The following CGN variants were observed in gnomAD, a reference collection of about 807,000 sequenced individuals.
CGN encodes cingulin.
A neutral mutation model predicts 157.1 loss-of-function variants in CGN; 121 were observed. The ratio of observed to expected loss-of-function variants is 0.77; its 90% CI spans 0.66 to 0.90. The LOEUF (loss-of-function observed/expected upper bound fraction) is 0.90. CGN is among the 40% of genes least tolerant of loss of function. The pLI is 0.00. For synonymous variants in CGN, 535 were observed against 607.5 expected (o/e 0.88, Z 1.76); for missense variants, 1,424 against 1,520.9 (o/e 0.94, Z 1.06).
At chr1:151,513,196 G>A (rs1313188740) in intron 1 of CGN, among the ~76,000 whole-genome samples, 5 of 152,180 alleles carry the variant, frequency 3.3e-5, no homozygotes, top group African/African-American at 9.7e-5. Context: ...TGCCTCCTCC[G>A]TGGTGTGGAA....
intron 5 of CGN, among the ~76,000 whole-genome samples, chr1:151,521,067 T>G (rs929853391): frequency 6.6e-6 from 1 of 152,224 alleles, no homozygotes; most frequent in Non-Finnish European, 1.5e-5. Flanking sequence ...TTTGGTAGTA[T>G]GTACTGTCCT....
chr1:151,536,023 G>T, intron 18 of CGN, 125 bp downstream of exon 18: 1 of 780,558 alleles, frequency 1.3e-6, no homozygotes, highest in Non-Finnish European at 2.2e-6. Flanking sequence ...TGATCTTTAG[G>T]GAACACTTTC....
chr1:151,528,635 TTGAACTCCTGACCTCAGGTGA>T (rs1376791077), intron 10 of CGN, among the ~76,000 whole-genome samples: 3 of 152,120 alleles, frequency 2.0e-5, no homozygotes, highest in African/African-American at 7.2e-5. Context: ...CAGGCTGGTT[TTGAACTCCTGACCTCAGGTGA>T]TCCACCCGCC....
Position 151,518,830 on chromosome 1 carries a change from C to T in CGN, c.311C>T (p.Pro104Leu). 1 of 1,613,966 alleles carries T rather than the reference C, an allele frequency of 6.2e-7. No homozygotes were observed. The highest frequency in any genetic ancestry group is 8.5e-7 in the Non-Finnish European group (1 of 1,179,920). Residue 104 changes from proline (P) to leucine (L), a missense_variant, in exon 2 of 21, where the codon CCC becomes CTC. By Grantham distance (98) the Pro-to-Leu change is moderately conservative. Transcript: ENST00000271636. ...LSSDLELPEN[P>L]YSQVKGFPAP... ...TCAGATTTGGAACTCCCTGAGAACCCCTACTCTCAGGTCAAGGGATTTCCT... is the reference window on the plus strand; with the variant it reads ...TCAGATTTGGAACTCCCTGAGAACCTCTACTCTCAGGTCAAGGGATTTCCT...
upstream of CGN, chr1:151,511,105 T>C (rs1019296929): frequency 3.3e-5 from 5 of 152,234 alleles, no homozygotes; most frequent in African/African-American, 1.2e-4. This position sits in a 1 kb window ranked among gnomAD's most constrained non-coding sequence, Gnocchi z 4.8. Flanking sequence ...GGCCGACGGC[T>C]CCCGGGATCT....
Position 151,530,571 on chromosome 1 carries a change from A to G in CGN, c.2396A>G (p.Glu799Gly), listed in dbSNP as rs1409450209. The G allele has an allele frequency of 6.2e-7, 1 of 1,609,868 alleles. No individual in the cohort carries two copies. Among genetic ancestry groups the G allele is most frequent in the Non-Finnish European group, 8.5e-7 (1 of 1,178,286 alleles). ...CTGGCAGCAGCCAAGCGGGCACTGG[A>G]GGCACGCCTAGAGGAGGCTCAGCGG... ...GSLAAAKRAL[E>G]ARLEEAQRGL... Residue 799 changes from glutamate to glycine, a missense_variant, in exon 13 of 21, where the codon GAG (glutamate) becomes GGG (glycine). Physicochemically the swap from Glu to Gly is moderately conservative, Grantham distance 98. Around this residue, in one of 3 missense-constraint regions of CGN, gnomAD observed 1,187 missense variants for 1,217.6 expected, o/e 0.97. Transcript: ENST00000271636.
At chr1:151,527,948 ATATTT>A (rs1664727300) in intron 10 of CGN, 20 of 121,042 alleles carry the variant, frequency 1.7e-4, no homozygotes, top group South Asian at 2.8e-4. Context: ...ATATATATAT[ATATTT>A]TTTTTTTTTT....
At chr1:151,531,454 G>A (rs1664836320) in intron 13 of CGN, among the ~76,000 whole-genome samples, 2 of 152,126 alleles carry the variant, frequency 1.3e-5, no homozygotes, top group African/African-American at 4.8e-5. Context: ...TTATAGATGG[G>A]GAATTGAGAC....
chr1:151,527,443 T>A (rs1241541995), intron 10 of CGN, among the ~76,000 whole-genome samples: 1 of 152,226 alleles, frequency 6.6e-6, no homozygotes, highest in Non-Finnish European at 1.5e-5. Context: ...TTGGTCAGCA[T>A]GGCAAAAGCT....
chr1:151,530,609 C>G lies in CGN; in HGVS notation c.2434C>G (p.Leu812Val). ...GGAGGCTCAGCGGGGGCTGGCCCGC[C>G]TGGGGCAGGAGCAGCAGACACTGAA... ...LEEAQRGLAR[L>V]GQEQQTLNRA... Residue 812 changes from leucine to valine, a missense_variant, in exon 13 of 21, where the codon CTG (leucine) becomes GTG (valine). Leu to Val is a conservative substitution (Grantham distance 32). This residue lies in a region of CGN where 1,187 missense variants were observed against 1,217.6 expected (regional missense o/e 0.97). Transcript: ENST00000271636. The G allele has an allele frequency of 6.8e-6, 11 of 1,611,186 alleles. No homozygotes were observed. Among genetic ancestry groups the G allele is most frequent in the Non-Finnish European group, 9.3e-6 (11 of 1,178,712 alleles).
chr1:151,534,665 CTT>C (rs1392644825), intron 15 of CGN: 1 of 271,184 alleles, frequency 3.7e-6, no homozygotes, highest in Non-Finnish European at 7.1e-6. Context: ...TGTACATACT[CTT>C]AGCCTCTACG....
chr1:151,520,568 T>TC (rs1205241227), intron 4 of CGN, 28 bp from the exon 5 acceptor site: 24 of 1,613,370 alleles, frequency 1.5e-5, no homozygotes, highest in Non-Finnish European at 2.0e-5. Context: ...CTCACTCCCT[T>TC]CCCCCACACC....
In CGN at chr1:151,530,811, G is replaced by C. The variant is rs767228208; in HGVS notation, c.2571+65G>C. 9.1e-5 allele frequency: 139 copies of C among 1,521,784 alleles called. 1 individual carries two copies. The highest frequency in any genetic ancestry group is 1.1e-4 in the Non-Finnish European group (129 of 1,122,550). 94.3% of individuals were successfully genotyped at this position (1,521,784 alleles called of 1,614,324 possible). On this transcript the variant is annotated intron_variant, in intron 13 of 20. Coordinates refer to ENST00000271636, the MANE Select transcript of CGN (RefSeq NM_020770.3). The stretch of plus-strand genomic sequence containing the variant: ...AGCTCATCCAGAAGCTGGCCTGAGA[G>C]GACAGGGGCTTGGGGGAGAGGGGTT...
At chr1:151,517,338 T>C (rs1664438184) in intron 1 of CGN, among the ~76,000 whole-genome samples, 1 of 152,070 alleles carries the variant, frequency 6.6e-6, no homozygotes, top group Non-Finnish European at 1.5e-5. Context: ...CTGCTATCAG[T>C]GTTTTTAAGT....
chr1:151,536,006 C>A, intron 18 of CGN, 108 bp downstream of exon 18: 1 of 869,728 alleles, frequency 1.1e-6, no homozygotes, highest in Non-Finnish European at 1.9e-6. Context: ...ATATGGCCAG[C>A]CTGGCCTGAT....
intron 14 of CGN, among the ~76,000 whole-genome samples, chr1:151,533,215 C>T (rs1400984281): frequency 7.2e-5 from 11 of 152,154 alleles, no homozygotes; most frequent in Admixed American, 2.0e-4. Flanking sequence ...CGGTGGCTCA[C>T]GCCTGTAATC....
intron 3 of CGN, 66 bp from the exon 4 acceptor site, chr1:151,520,348 A>C (rs935509234): frequency 6.4e-7 from 1 of 1,563,982 alleles, no homozygotes; most frequent in African/African-American, 1.4e-5. Context: ...CCCTGATTTT[A>C]CCCTTTCCTG....
chr1:151,512,926 G>C (rs987963077), intron 1 of CGN, among the ~76,000 whole-genome samples: 1 of 152,142 alleles, frequency 6.6e-6, no homozygotes, highest in African/African-American at 2.4e-5. Flanking sequence ...GGGGTGTAGG[G>C]CTCTTCTCTT....
In CGN at chr1:151,520,839, G is replaced by A. The variant is rs1034135754; in HGVS notation, c.1140+148G>A. 130 of 692,862 alleles carry A rather than the reference G, an allele frequency of 1.9e-4. No homozygotes were observed. In the South Asian group the frequency reaches 2.4e-3, roughly 13 times the overall value. 42.9% of individuals were successfully genotyped at this position (692,862 alleles called of 1,614,324 possible). ...GAGACAAGAATGTGTACTAATTCCA[G>A]GAAGGACTTCTGGGGTTCTGTGGGG... On this transcript the variant is annotated intron_variant, in intron 5 of 20. Coordinates refer to ENST00000271636, the MANE Select transcript of CGN (RefSeq NM_020770.3).
Sources: allele counts gnomAD v4.1 joint callset (sites outside exome capture counted in the v4.1 genomes callset), GRCh38; gene constraint gnomAD v4.1.1; regional missense constraint gnomAD v4.1.1; non-coding constraint Gnocchi (gnomAD v3.1); transcripts MANE v1.5; gene names NCBI Gene and HGNC (gene_info 2026-07-23, HGNC 2026-07-21).